PTCD3: variants seen among roughly 807,000 people sequenced by gnomAD.
The protein encoded by PTCD3 is small ribosomal subunit protein mS39.
Under a neutral mutation model 101.9 loss-of-function variants are expected in PTCD3, and 89 were observed. The ratio of observed to expected loss-of-function variants is 0.87; its 90% CI spans 0.74 to 1.04. The LOEUF (loss-of-function observed/expected upper bound fraction) is 1.04, where lower values mean the gene tolerates loss of function less well. Among genes scored for constraint, PTCD3 ranks in the 50% least tolerant of loss-of-function variants. The pLI, the probability that PTCD3 is intolerant of heterozygous loss-of-function variation, is 0.00. For synonymous variants in PTCD3, 296 were observed against 278.5 expected (o/e 1.06, Z -0.63); for missense variants, 870 against 828.2 (o/e 1.05, Z -0.62).
intron 5 of PTCD3, 22 bp from the exon 6 acceptor site, chr2:86,117,033 T>G: frequency 1.1e-6 from 1 of 930,696 alleles, no homozygotes; most frequent in Non-Finnish European, 1.8e-6. Context: ...TTACATGTAT[T>G]TAAATCTTTT....
chr2:86,108,365 T>C lies in PTCD3; in HGVS notation c.120T>C (p.Ser40=), dbSNP rs1414296399. 6 of 1,609,124 alleles carry C rather than the reference T, an allele frequency of 3.7e-6. No homozygotes were observed. The highest frequency in any genetic ancestry group is 1.7e-4 in the Middle Eastern group (1 of 5,930). The change falls in exon 2 of 24, where the codon AGT becomes AGC. Residue 40 remains serine, a synonymous_variant. Transcript: ENST00000254630. The stretch of plus-strand genomic sequence containing the variant: ...TTTTTTGCAGATTTTATTCTGGTAG[T>C]GCAACCCTCTCAAAGGTTGAAGGAA... ...QARSCRFYSG[S]ATLSKVEGTD... is the part of the protein sequence containing the mutation.
Position 86,121,614 on chromosome 2 carries a change from A to AT in PTCD3, c.654+31dup, listed in dbSNP as rs745868420. Reference sequence around the variant, plus strand: ...GCATTGGTAATAACTGTTGGCCTTGATTTTTTTTTTTCCTTAAGCTTCTTT... The same window carrying AT: ...GCATTGGTAATAACTGTTGGCCTTGATTTTTTTTTTTTCCTTAAGCTTCTTT... On this transcript the variant is annotated intron_variant, in intron 8 of 23. Transcript: ENST00000254630. The AT allele has an allele frequency of 0.015, 18,742 of 1,213,332 alleles. 1 individual carries two copies. The highest frequency in any genetic ancestry group is 0.019 in the South Asian group (1,236 of 63,448). 75.2% of individuals were successfully genotyped at this position (1,213,332 alleles called of 1,614,324 possible).
chr2:86,135,302 G>A (rs1375227029), intron 21 of PTCD3: 5 of 205,614 alleles, frequency 2.4e-5, no homozygotes, highest in South Asian at 3.1e-4. Context: ...TCAAAGAAAC[G>A]TAGTTTTGAA....
chr2:86,130,786 G>T, intron 15 of PTCD3, 49 bp downstream of exon 15: 1 of 1,601,444 alleles, frequency 6.2e-7, no homozygotes, highest in South Asian at 1.1e-5. Context: ...ACAGAGGGCC[G>T]GTTTACCTGA....
intron 5 of PTCD3, 145 bp from the exon 6 acceptor site, chr2:86,116,910 G>C (rs1674187611): frequency 3.2e-6 from 2 of 618,664 alleles, no homozygotes; most frequent in Admixed American, 2.9e-5. Flanking sequence ...TAGAAAAGGT[G>C]GGATAGTCTA....
chr2:86,124,988 T>C lies in PTCD3; in HGVS notation c.717-7T>C. ...GCCTGGGTTCACATTTACTCTCTTGTGTCTAGAGCAAAAAACAACGCTGAG... is the reference window on the plus strand; with the variant it reads ...GCCTGGGTTCACATTTACTCTCTTGCGTCTAGAGCAAAAAACAACGCTGAG... On this transcript the variant is annotated splice_polypyrimidine_tract_variant and splice_region_variant and intron_variant, in intron 9 of 23. Coordinates refer to ENST00000254630, the MANE Select transcript of PTCD3 (RefSeq NM_017952.6). 6.2e-7 allele frequency: 1 copy of C among 1,613,674 alleles called. No homozygotes were observed. Among genetic ancestry groups the C allele is most frequent in the South Asian group, 1.1e-5 (1 of 91,008 alleles).
intron 5 of PTCD3, among the ~76,000 whole-genome samples, 161 bp from the exon 6 acceptor site, chr2:86,116,894 T>C (rs1674187290): frequency 6.6e-6 from 1 of 152,236 alleles, no homozygotes; most frequent in African/African-American, 2.4e-5. Flanking sequence ...TGAAATTATA[T>C]CACAGTAGAA....
intron 13 of PTCD3, chr2:86,127,617 G>A (rs1196546196): frequency 2.1e-6 from 1 of 470,904 alleles, no homozygotes; most frequent in East Asian, 3.8e-5. Context: ...ACCTAAGTGT[G>A]TGCTAGTGTA....
At chr2:86,118,164 C>A (rs762473262) in intron 6 of PTCD3, among the ~76,000 whole-genome samples, 3 of 152,158 alleles carry the variant, frequency 2.0e-5, no homozygotes, top group Non-Finnish European at 4.4e-5. Flanking sequence ...TTCAGTGACG[C>A]TTATAATCCA....
rs1460237497 is a variant in PTCD3 at position 86,127,308 on chromosome 2, G to A, written c.1096+3G>A. On this transcript the variant is annotated splice_donor_region_variant and intron_variant, in intron 13 of 23. Transcript: ENST00000254630. ...TGAAATGAAAGCCATTGGAATAGGT[G>A]AGGATGCGCCCTTGAGTTCTCTGAG... is the stretch of plus-strand genomic sequence containing the variant. The A allele has an allele frequency of 2.5e-6, 4 of 1,613,624 alleles. No homozygotes were observed.
chr2:86,133,576 G>C (rs1448926689), intron 19 of PTCD3, 140 bp downstream of exon 19: 2 of 866,930 alleles, frequency 2.3e-6, no homozygotes. Flanking sequence ...TGTACTTCAA[G>C]GTCATGTGCT....
chr2:86,131,058 T>C lies in PTCD3; in HGVS notation c.1238-20T>C. 6.2e-7 allele frequency: 1 copy of C among 1,600,226 alleles called. No individual in the cohort carries two copies. Among genetic ancestry groups the C allele is most frequent in the South Asian group, 1.1e-5 (1 of 88,312 alleles). The stretch of plus-strand genomic sequence containing the variant: ...ATTTTATCCATTGTAACCAAAGCTC[T>C]TGTGAACTTTGATTTTCAGATAAGT... On this transcript the variant is annotated intron_variant, in intron 15 of 23. Coordinates refer to ENST00000254630, the MANE Select transcript of PTCD3 (RefSeq NM_017952.6).
At position 86,127,150 on chromosome 2, in the gene PTCD3, TA is replaced by T; in HGVS notation, c.952-10del. 1 of 1,597,960 alleles carries T rather than the reference TA, an allele frequency of 6.3e-7. No homozygotes were observed. ...GGCATGAAAGATACTTCTTGTTTTT[TA>T]TTCACCTAGGAGCTGCTAAGACACA... On this transcript the variant is annotated splice_polypyrimidine_tract_variant and intron_variant, in intron 12 of 23. Transcript: ENST00000254630.
At chr2:86,129,315 G>A (rs959874907) in intron 14 of PTCD3, among the ~76,000 whole-genome samples, 2 of 152,184 alleles carry the variant, frequency 1.3e-5, no homozygotes, top group Non-Finnish European at 2.9e-5. Context: ...GGGGGATGGG[G>A]GTTCTGGGGG....
chr2:86,130,883 T>C, intron 15 of PTCD3, 146 bp downstream of exon 15: 1 of 1,454,308 alleles, frequency 6.9e-7, no homozygotes, highest in South Asian at 1.4e-5. Context: ...TAGGTGTATA[T>C]AGCTTAGTAA....
chr2:86,111,613 G>T (rs1674085495), intron 4 of PTCD3, among the ~76,000 whole-genome samples: 1 of 151,990 alleles, frequency 6.6e-6, no homozygotes, highest in African/African-American at 2.4e-5. Flanking sequence ...GTCTAATCCA[G>T]CTGAGCCAGG....
chr2:86,133,285 C>G lies in PTCD3; in HGVS notation c.1452+29C>G, dbSNP rs762131913. 17 of 1,613,818 alleles carry G rather than the reference C, an allele frequency of 1.1e-5. No homozygotes were observed. The South Asian group carries it at 1.9e-4, about 18-fold the overall frequency. On this transcript the variant is annotated intron_variant, in intron 18 of 23. Coordinates refer to ENST00000254630, the MANE Select transcript of PTCD3 (RefSeq NM_017952.6). ...AGATGGTTCATTACTTGTTATTTAT[C>G]ATTCTAGATGAATTGGGTTTCTGCA... is the stretch of plus-strand genomic sequence containing the variant.
chr2:86,116,173 C>T (rs984436494), intron 4 of PTCD3, among the ~76,000 whole-genome samples: 2 of 152,278 alleles, frequency 1.3e-5, no homozygotes, highest in Admixed American at 1.3e-4. Context: ...ATTTAGGTTA[C>T]ATACATAATT....
intron 19 of PTCD3, among the ~76,000 whole-genome samples, chr2:86,133,657 G>A (rs1674531415): frequency 6.6e-6 from 1 of 152,174 alleles, no homozygotes; most frequent in African/African-American, 2.4e-5. Context: ...CGTGACATAG[G>A]AATGAGCTGA....
Sources: allele counts gnomAD v4.1 joint callset (sites outside exome capture counted in the v4.1 genomes callset), GRCh38; gene constraint gnomAD v4.1.1; transcripts MANE v1.5; gene names NCBI Gene and HGNC (gene_info 2026-07-23, HGNC 2026-07-21).